The following CYP26C1 variants were observed in gnomAD, a reference collection of about 807,000 sequenced individuals.
The protein encoded by CYP26C1 is cytochrome P450 family 26 subfamily C member 1.
In CYP26C1, 41 loss-of-function variants were observed where a neutral mutation model predicts 39.1. The ratio of observed to expected loss-of-function variants is 1.05; its 90% CI spans 0.82 to 1.36. CYP26C1 has a LOEUF of 1.36. Ranked by LOEUF, CYP26C1 falls within the 40% of genes most tolerant of loss-of-function variation. CYP26C1 has a pLI of 0.00. For synonymous variants in CYP26C1, 362 were observed against 350.8 expected (o/e 1.03, Z -0.36); for missense variants, 833 against 752.0 (o/e 1.11, Z -1.26).
chr10:93,063,046 G>A, intron 3 of CYP26C1, 51 bp downstream of exon 3: 1 of 1,512,148 alleles, frequency 6.6e-7, no homozygotes, highest in Non-Finnish European at 8.8e-7. Context: ...CGGCGCGGGC[G>A]GGCCTCCCAG....
chr10:93,061,963 GC>G (rs771928048), intron 1 of CYP26C1, 46 bp from the exon 2 acceptor site: 2 of 1,530,848 alleles, frequency 1.3e-6, no homozygotes, highest in South Asian at 2.4e-5. Flanking sequence ...TCAGATCCCA[GC>G]CCAGGCCCAG....
In CYP26C1 at chr10:93,062,772, T is replaced by A. The variant is rs1203714393; in HGVS notation, c.482T>A (p.Leu161Gln). Reference protein sequence around the residue: ...RAALERYVPRLQGALRHEVRS... With the variant: ...RAALERYVPRQQGALRHEVRS... ...GCGCTGGAGCGCTACGTGCCGCGCCTGCAGGGGGCGCTGCGGCATGAGGTG... is the reference window on the plus strand; with the variant it reads ...GCGCTGGAGCGCTACGTGCCGCGCCAGCAGGGGGCGCTGCGGCATGAGGTG... Residue 161 changes from leucine (L) to glutamine (Q), a missense_variant, in exon 3 of 6, where the codon CTG becomes CAG. Physicochemically the swap from Leu to Gln is moderately radical, Grantham distance 113. Coordinates refer to ENST00000651965, the MANE Select transcript of CYP26C1 (RefSeq NM_183374.3). 6.6e-7 allele frequency: 1 copy of A among 1,515,430 alleles called. No homozygotes were observed. The highest frequency in any genetic ancestry group is 8.8e-7 in the Non-Finnish European group (1 of 1,139,100). The allele number at this position is 1,515,430 out of a possible 1,614,324, so 93.9% of individuals were successfully genotyped here.
At chr10:93,066,623 C>A (rs947490700) in intron 5 of CYP26C1, among the ~76,000 whole-genome samples, 1 of 152,298 alleles carries the variant, frequency 6.6e-6, no homozygotes, top group East Asian at 1.9e-4. Flanking sequence ...TGCAGCACCC[C>A]CTCCCAGCCA....
chr10:93,062,539 G>A (rs924434091), intron 2 of CYP26C1, among the ~76,000 whole-genome samples, 181 bp from the exon 3 acceptor site: 5 of 152,250 alleles, frequency 3.3e-5, no homozygotes, highest in Non-Finnish European at 5.9e-5. Context: ...CTGGATGGTT[G>A]GGAGGGACTG....
chr10:93,063,103 G>T, intron 3 of CYP26C1, 108 bp downstream of exon 3: 1 of 1,452,760 alleles, frequency 6.9e-7, no homozygotes, highest in Non-Finnish European at 9.0e-7. Context: ...CGTCACCTCT[G>T]CTGGGAACGG....
chr10:93,061,554 G>A (rs1846749476), intron 1 of CYP26C1, 87 bp downstream of exon 1: 3 of 1,478,102 alleles, frequency 2.0e-6, no homozygotes, highest in Non-Finnish European at 1.8e-6. Context: ...ATGCCCATGG[G>A]ATTTGTAGCC....
chr10:93,068,853 T>G lies in CYP26C1; in HGVS notation c.*156T>G. On this transcript the variant is annotated 3_prime_UTR_variant, in exon 6 of 6. Coordinates refer to ENST00000651965, the MANE Select transcript of CYP26C1 (RefSeq NM_183374.3). ...CGCCAAACGCGGATGTGTGCCGGAC[T>G]CGAGGAAGGAGGAGGGCGAGCCACC... is the stretch of plus-strand genomic sequence containing the variant. 1 of 1,303,320 alleles carries G rather than the reference T, an allele frequency of 7.7e-7. No homozygotes were observed. The highest frequency in any genetic ancestry group is 1.0e-6 in the Non-Finnish European group (1 of 1,000,422). The allele number at this position is 1,303,320 out of a possible 1,614,324, so 80.7% of individuals were successfully genotyped here.
chr10:93,060,817 AGGGACAG>A lies in CYP26C1; in HGVS notation c.-445_-439del. The A allele has an allele frequency of 2.5e-5, 5 of 197,404 alleles. No homozygotes were observed. The highest frequency in any genetic ancestry group is 4.1e-5 in the Non-Finnish European group (4 of 98,100). 12.2% of individuals were successfully genotyped at this position (197,404 alleles called of 1,614,324 possible). A position where few individuals can be genotyped will look rare whatever the true frequency, so the allele number is the denominator to read the frequency against. ...CCAAGAAGGGTTAAACGACTGGAGG[AGGGACAG>A]GTGGGGCGGGGGTCTGCAGACCAGG... is the stretch of plus-strand genomic sequence containing the variant. On this transcript the variant is annotated 5_prime_UTR_variant, in exon 1 of 6. Coordinates refer to ENST00000651965, the MANE Select transcript of CYP26C1 (RefSeq NM_183374.3).
Position 93,068,855 on chromosome 10 carries a change from G to C in CYP26C1, c.*158G>C, listed in dbSNP as rs572502457. 3.2e-6 allele frequency: 4 copies of C among 1,266,218 alleles called. No individual in the cohort carries two copies. In the African/African-American group the frequency reaches 6.2e-5, roughly 20 times the overall value. The allele number at this position is 1,266,218 out of a possible 1,614,324, so 78.4% of individuals were successfully genotyped here. On this transcript the variant is annotated 3_prime_UTR_variant, in exon 6 of 6. Coordinates refer to ENST00000651965, the MANE Select transcript of CYP26C1 (RefSeq NM_183374.3). ...CCAAACGCGGATGTGTGCCGGACTC[G>C]AGGAAGGAGGAGGGCGAGCCACCGC...
At chr10:93,063,442 C>CG in intron 3 of CYP26C1, 1 of 990,160 alleles carries the variant, frequency 1.0e-6, no homozygotes, top group Non-Finnish European at 1.2e-6. Context: ...GCGCCAGCCC[C>CG]GGACCCAGGG....
In CYP26C1 at chr10:93,061,431, GC is replaced by G; in HGVS notation, c.171del (p.Phe58SerfsTer9). 1 of 1,555,212 alleles carries G rather than the reference GC, an allele frequency of 6.4e-7. No individual in the cohort carries two copies. On this transcript the variant is annotated frameshift_variant, in exon 1 of 6. Transcript: ENST00000651965. LOFTEE classifies it high-confidence loss of function. ...CTCTGCCCAAGGGCTCCATGGGGTG[GC>G]CCTTCTTCGGCGAAACGCTGCACTG... ...LPLPKGSMGW[P>X]FFGETLHWLV...
chr10:93,064,607 C>A, intron 4 of CYP26C1, 71 bp downstream of exon 4: 1 of 1,540,164 alleles, frequency 6.5e-7, no homozygotes, highest in Middle Eastern at 2.0e-4. Flanking sequence ...AATGCTGCAT[C>A]CCCAGAGCCA....
In CYP26C1 at chr10:93,062,882, C is replaced by G; in HGVS notation, c.592C>G (p.Leu198Val). Reference protein sequence around the residue: ...LTFRMAARILLGLRLDEAQCA... With the variant: ...LTFRMAARILVGLRLDEAQCA... ...CTTCCGCATGGCCGCGCGCATCCTG[C>G]TGGGGTTGCGGCTGGACGAGGCGCA... Residue 198 changes from leucine to valine, a missense_variant, in exon 3 of 6, where the codon CTG (leucine) becomes GTG (valine). Transcript: ENST00000651965. 1 of 1,605,124 alleles carries G rather than the reference C, an allele frequency of 6.2e-7. No individual in the cohort carries two copies. The highest frequency in any genetic ancestry group is 8.5e-7 in the Non-Finnish European group (1 of 1,179,322).
intron 4 of CYP26C1, 109 bp downstream of exon 4, chr10:93,064,645 C>T: frequency 6.7e-7 from 1 of 1,501,392 alleles, no homozygotes; most frequent in Admixed American, 2.2e-5. Context: ...CTTTGAGGCA[C>T]AGGCAGTCCT....
chr10:93,062,998 A>T lies in CYP26C1; in HGVS notation c.705+3A>T. On this transcript the variant is annotated splice_donor_region_variant and intron_variant, in intron 3 of 5. Transcript: ENST00000651965. Reference sequence around the variant, plus strand: ...TTCCCTTCAGTGGCCTACGCAAGGTACGGCCGCCCCGGCTCCAGACCTTCC... The same window carrying T: ...TTCCCTTCAGTGGCCTACGCAAGGTTCGGCCGCCCCGGCTCCAGACCTTCC... 1 of 1,554,780 alleles carries T rather than the reference A, an allele frequency of 6.4e-7. No individual in the cohort carries two copies. The highest frequency in any genetic ancestry group is 8.7e-7 in the Non-Finnish European group (1 of 1,151,578).
Position 93,061,120 on chromosome 10 carries a change from T to G in CYP26C1, c.-144T>G. On this transcript the variant is annotated 5_prime_UTR_variant, in exon 1 of 6. Transcript: ENST00000651965. Reference sequence around the variant, plus strand: ...CTGTTTTTAGAACAGAGTTCTGGCCTGAGCTTATAAATCTCGGGCTTTGCC... The same window carrying G: ...CTGTTTTTAGAACAGAGTTCTGGCCGGAGCTTATAAATCTCGGGCTTTGCC... The G allele has an allele frequency of 1.2e-6, 1 of 821,822 alleles. No homozygotes were observed. The highest frequency in any genetic ancestry group is 1.9e-6 in the Non-Finnish European group (1 of 525,748). 50.9% of individuals were successfully genotyped at this position (821,822 alleles called of 1,614,324 possible).
chr10:93,065,247 T>A (rs1029840240), intron 4 of CYP26C1, among the ~76,000 whole-genome samples: 4 of 152,240 alleles, frequency 2.6e-5, no homozygotes, highest in African/African-American at 9.6e-5. Flanking sequence ...TTTCCCACTT[T>A]CTACCAGAGA....
rs759898161 is a variant in CYP26C1, at chr10:93,064,494, T to C, written c.819T>C (p.Ser273=). The C allele has an allele frequency of 6.2e-7, 1 of 1,614,082 alleles. No homozygotes were observed. The highest frequency in any genetic ancestry group is 1.7e-5 in the Admixed American group (1 of 60,018). Residue 273 remains serine (S), a synonymous_variant, in exon 4 of 6, where the codon AGT becomes AGC. Coordinates refer to ENST00000651965, the MANE Select transcript of CYP26C1 (RefSeq NM_183374.3). ...ATGCCCTCGACCTAATCATTCACAG[T>C]GCAAGGGAGCTGGGCCATGAGCCCT... ...PGDALDLIIH[S]ARELGHEPSM...
chr10:93,066,140 C>A lies in CYP26C1; in HGVS notation c.1046C>A (p.Pro349Gln). 1 of 1,357,964 alleles carries A rather than the reference C, an allele frequency of 7.4e-7. No homozygotes were observed. Among genetic ancestry groups the A allele is most frequent in the Non-Finnish European group, 9.5e-7 (1 of 1,056,072 alleles). The allele number at this position is 1,357,964 out of a possible 1,614,324, so 84.1% of individuals were successfully genotyped here. A position where few individuals can be genotyped will look rare whatever the true frequency, so the allele number is the denominator to read the frequency against. ...PGAAGGSEGPPPDCGCEPDLS... is the reference protein window; with the variant it reads ...PGAAGGSEGPQPDCGCEPDLS... ...GCCGCTGGGGGCAGCGAGGGGCCCC[C>A]GCCCGACTGCGGCTGCGAGCCCGAC... The change falls in exon 5 of 6, where the codon CCG (proline) becomes CAG (glutamine). Residue 349 changes from proline to glutamine, a missense_variant. Physicochemically the swap from Pro to Gln is moderately conservative, Grantham distance 76 (BLOSUM62 -1). Coordinates refer to ENST00000651965, the MANE Select transcript of CYP26C1 (RefSeq NM_183374.3).
Sources: gnomAD v4.1 joint callset for allele counts (sites outside exome capture counted in the v4.1 genomes callset) on GRCh38, gnomAD v4.1.1 for gene constraint, MANE v1.5 for transcripts, NCBI Gene and HGNC (gene_info 2026-07-23, HGNC 2026-07-21) for gene names.